STYK1: variants seen among roughly 807,000 people sequenced by gnomAD.
STYK1 encodes tyrosine-protein kinase STYK1.
A neutral mutation model predicts 48.1 loss-of-function variants in STYK1; 46 were observed. The observed-to-expected ratio is 0.96, with a 90% CI of 0.75 to 1.22. The LOEUF (loss-of-function observed/expected upper bound fraction) is 1.22. STYK1 is among the 50% of genes most tolerant of loss of function. The probability of loss-of-function intolerance (pLI) is 0.00; values close to 1 mark genes in which losing one functional copy is unlikely to be tolerated. For missense variants in STYK1, 527 were observed against 521.1 expected, an observed-to-expected ratio of 1.01 and a Z score of -0.11; for synonymous variants, 188 against 189.0, an observed-to-expected ratio of 0.99 and a Z score of 0.04.
At chr12:10,620,992 C>T (rs539554461) in intron 10 of STYK1, among the ~76,000 whole-genome samples, 8 of 152,020 alleles carry the variant, frequency 5.3e-5, no homozygotes, top group East Asian at 1.9e-4. Context: ...ATATTCTGTG[C>T]GTGTGTGTGT....
chr12:10,625,010 T>G, intron 7 of STYK1, 151 bp from the exon 8 acceptor site: 2 of 664,740 alleles, frequency 3.0e-6, no homozygotes, highest in Non-Finnish European at 2.6e-6. Context: ...TTCCAAAGCA[T>G]GCTAATGAAC....
At chr12:10,670,957 T>C (rs1303418895) in intron 1 of STYK1, among the ~76,000 whole-genome samples, 1 of 149,898 alleles carries the variant, frequency 6.7e-6, no homozygotes, top group Non-Finnish European at 1.5e-5. Context: ...TTCCCAAAGA[T>C]GTCCATGTCC....
intron 4 of STYK1, among the ~76,000 whole-genome samples, chr12:10,633,197 A>T (rs1292344661): frequency 6.6e-6 from 1 of 152,234 alleles, no homozygotes; most frequent in Non-Finnish European, 1.5e-5. Flanking sequence ...CTAAGAATTG[A>T]TCATTGGACT....
At chr12:10,632,738 G>T (rs1395777436) in intron 4 of STYK1, among the ~76,000 whole-genome samples, 3 of 152,112 alleles carry the variant, frequency 2.0e-5, no homozygotes, top group Non-Finnish European at 4.4e-5. Flanking sequence ...TTGAAAATAG[G>T]GTAACAGTGT....
Position 10,619,814 on chromosome 12 carries a change from CTA to C in STYK1, c.*328_*329del. The stretch of plus-strand genomic sequence containing the variant: ...GATAAAAATGTGGTTCCAGAGGAAA[CTA>C]GCCTCGGACGGGAGGGATGAGCTTA... On this transcript the variant is annotated 3_prime_UTR_variant, in exon 11 of 11. Coordinates refer to ENST00000075503, the MANE Select transcript of STYK1 (RefSeq NM_018423.3). 2.4e-6 allele frequency: 1 copy of C among 409,548 alleles called. No homozygotes were observed. 25.4% of individuals were successfully genotyped at this position (409,548 alleles called of 1,614,324 possible).
At chr12:10,668,215 T>C (rs962884959) in intron 1 of STYK1, among the ~76,000 whole-genome samples, 2 of 152,062 alleles carry the variant, frequency 1.3e-5, no homozygotes, top group Non-Finnish European at 2.9e-5. Context: ...ATAAAACAAC[T>C]AAGGACCCCT....
At chr12:10,657,228 T>C (rs1947728991) in intron 1 of STYK1, among the ~76,000 whole-genome samples, 1 of 152,188 alleles carries the variant, frequency 6.6e-6, no homozygotes, top group Non-Finnish European at 1.5e-5. Flanking sequence ...CTCTAGAAAT[T>C]GCATGCTTTC....
intron 6 of STYK1, among the ~76,000 whole-genome samples, chr12:10,628,707 A>C (rs1268858885): frequency 6.6e-6 from 1 of 152,190 alleles, no homozygotes; most frequent in Non-Finnish European, 1.5e-5. Context: ...AATATAGAAC[A>C]AGGGAAATTT....
At chr12:10,666,192 T>G (rs142284320) in intron 1 of STYK1, among the ~76,000 whole-genome samples, 61 of 152,336 alleles carry the variant, frequency 4.0e-4, no homozygotes, top group Non-Finnish European at 7.5e-4. Context: ...CAGCCTGATC[T>G]GACTTAACAG....
chr12:10,649,940 G>A (rs1395071128), intron 1 of STYK1, among the ~76,000 whole-genome samples: 4 of 151,742 alleles, frequency 2.6e-5, no homozygotes, highest in Non-Finnish European at 2.9e-5. Context: ...GTGAAACCCC[G>A]TCTCTACTAA....
chr12:10,634,767 C>T, intron 2 of STYK1, 81 bp from the exon 3 acceptor site: 1 of 757,938 alleles, frequency 1.3e-6, no homozygotes, highest in Non-Finnish European at 2.1e-6. Flanking sequence ...TAAACCGCCT[C>T]TACAGATCAC....
chr12:10,659,830 A>T (rs1463235734), intron 1 of STYK1, among the ~76,000 whole-genome samples: 1 of 152,194 alleles, frequency 6.6e-6, no homozygotes, highest in Non-Finnish European at 1.5e-5. Flanking sequence ...AATCAGTTCT[A>T]TTATGATTTG....
chr12:10,631,383 G>A (rs1947427503), intron 4 of STYK1, 75 bp from the exon 5 acceptor site: 9 of 1,557,096 alleles, frequency 5.8e-6, no homozygotes, highest in Non-Finnish European at 7.8e-6. Context: ...GAAACAAATT[G>A]GCAAGGAGGT....
In STYK1 at chr12:10,627,664, C is replaced by A. The variant is rs370772078; in HGVS notation, c.694G>T (p.Gly232Ter). 2.5e-6 allele frequency: 4 copies of A among 1,613,636 alleles called. No individual in the cohort carries two copies. The African/African-American group carries it at 5.3e-5, about 22-fold the overall frequency. ...ACCAGCGCCAAAAGGACCTGCTTTC[C>A]GATGTGATATACTTGTTTTTCTGTG... ...DLTEKQVYHI[G>*]KQVLLALEFL... is the part of the protein sequence containing the mutation. The change falls in exon 7 of 11, where the codon GGA becomes TGA. Residue 232 changes from glycine (G) to a stop codon, truncating the protein, a stop_gained. Coordinates refer to ENST00000075503, the MANE Select transcript of STYK1 (RefSeq NM_018423.3). LOFTEE classifies it high-confidence loss of function.
chr12:10,653,954 C>T (rs7350557), intron 1 of STYK1, among the ~76,000 whole-genome samples: 83,794 of 151,912 alleles, frequency 0.55, 23,833 homozygotes, highest in East Asian at 0.79. Context: ...TAGGATGAAA[C>T]AGGAGGTCAA....
At position 10,627,683 on chromosome 12, in the gene STYK1, T is replaced by C; in HGVS notation, c.675A>G (p.Glu225=). 6.2e-7 allele frequency: 1 copy of C among 1,613,910 alleles called. No homozygotes were observed. The highest frequency in any genetic ancestry group is 1.1e-5 in the South Asian group (1 of 91,012). ...GCTTTCCGATGTGATATACTTGTTT[T>C]TCTGTGAGATCATAGAGAAGACCAT... ...TMDGLLYDLT[E]KQVYHIGKQV... is the part of the protein sequence containing the mutation. The change falls in exon 7 of 11, where the codon GAA becomes GAG. Residue 225 remains glutamate, a synonymous_variant. Coordinates refer to ENST00000075503, the MANE Select transcript of STYK1 (RefSeq NM_018423.3).
chr12:10,649,653 T>A (rs1255392887), intron 1 of STYK1, among the ~76,000 whole-genome samples: 1 of 152,180 alleles, frequency 6.6e-6, no homozygotes, highest in Non-Finnish European at 1.5e-5. Context: ...AGTTATTTTA[T>A]AATAAGAACA....
At chr12:10,632,361 T>C (rs1947438574) in intron 4 of STYK1, among the ~76,000 whole-genome samples, 2 of 152,064 alleles carry the variant, frequency 1.3e-5, no homozygotes, top group South Asian at 4.1e-4. Flanking sequence ...GGGAGAGTAT[T>C]GTAGGCAAAG....
intron 1 of STYK1, among the ~76,000 whole-genome samples, chr12:10,662,778 T>C (rs1947791314): frequency 6.6e-6 from 1 of 152,198 alleles, no homozygotes; most frequent in African/African-American, 2.4e-5. Context: ...AGATATATCA[T>C]ATGCAATATT....
Sources: allele counts gnomAD v4.1 joint callset (sites outside exome capture counted in the v4.1 genomes callset), GRCh38; gene constraint gnomAD v4.1.1; transcripts MANE v1.5; gene names NCBI Gene and HGNC (gene_info 2026-07-23, HGNC 2026-07-21).